Variants in GLS observed in about 807,000 individuals in gnomAD.
GLS encodes the protein glutaminase kidney isoform, mitochondrial.
GLS carries 36 observed loss-of-function variants against 86.7 expected under a neutral mutation model. The observed-to-expected ratio is 0.42, with a 90% CI of 0.32 to 0.55. The LOEUF (loss-of-function observed/expected upper bound fraction) is 0.55. GLS is among the 20% of genes least tolerant of loss of function. The pLI is 0.17. For synonymous variants in GLS, 317 were observed against 305.9 expected (o/e 1.04, Z -0.38); for missense variants, 528 against 833.4 (o/e 0.63, Z 4.51).
At chr2:190,940,656 A>G (rs1196635518) in intron 14 of GLS, among the ~76,000 whole-genome samples, 2 of 152,070 alleles carry the variant, frequency 1.3e-5, no homozygotes, top group Non-Finnish European at 2.9e-5. Flanking sequence ...TGTGACCTTA[A>G]GAAAGTGGCT....
intron 3 of GLS, among the ~76,000 whole-genome samples, chr2:190,900,254 A>G (rs546861637): frequency 2.0e-5 from 3 of 152,156 alleles, no homozygotes; most frequent in South Asian, 2.1e-4. Flanking sequence ...AATGTTACCA[A>G]CTCTGATTGA....
intron 9 of GLS, among the ~76,000 whole-genome samples, chr2:190,923,172 T>G (rs1003088295): frequency 6.6e-6 from 1 of 152,230 alleles, no homozygotes; most frequent in African/African-American, 2.4e-5. Context: ...CAAACTGATG[T>G]CAGAGTTATC....
intron 7 of GLS, among the ~76,000 whole-genome samples, chr2:190,919,150 A>G (rs935401734): frequency 3.9e-5 from 6 of 152,164 alleles, no homozygotes; most frequent in African/African-American, 9.7e-5. Flanking sequence ...GTGAAACACA[A>G]TGAAGTGAAG....
intron 14 of GLS, among the ~76,000 whole-genome samples, chr2:190,939,135 T>A (rs894250687): frequency 1.3e-5 from 2 of 151,688 alleles, no homozygotes; most frequent in African/African-American, 2.4e-5. Flanking sequence ...GCTACTTCCC[T>A]TGTTTATTTT....
chr2:190,895,125 A>T lies in GLS; in HGVS notation c.387-27A>T, dbSNP rs1688685635. 3.2e-6 allele frequency: 3 copies of T among 931,218 alleles called. No individual in the cohort carries two copies. The highest frequency in any genetic ancestry group is 5.2e-6 in the Non-Finnish European group (3 of 574,944). The allele number at this position is 931,218 out of a possible 1,614,324, so 57.7% of individuals were successfully genotyped here. ...CCAGTAGAATGTTCATACAAGGATT[A>T]ATTTTGTGTTCTTTCTACCTCTTTA... On this transcript the variant is annotated intron_variant, in intron 1 of 17. Transcript: ENST00000320717. The surrounding 1 kb of genome is among the most constrained non-coding windows in gnomAD (Gnocchi z 4.2).
rs1355224887 is a variant in GLS at position 190,964,025 on chromosome 2, G to A, written c.*1039G>A. The A allele has an allele frequency of 6.6e-6, 1 of 152,008 alleles. No individual in the cohort carries two copies. Among genetic ancestry groups the A allele is most frequent in the African/African-American group, 2.4e-5 (1 of 41,386 alleles). 9.4% of individuals were successfully genotyped at this position (152,008 alleles called of 1,614,324 possible). A position where few individuals can be genotyped will look rare whatever the true frequency, so the allele number is the denominator to read the frequency against. On this transcript the variant is annotated 3_prime_UTR_variant, in exon 18 of 18. Coordinates refer to ENST00000320717, the MANE Select transcript of GLS (RefSeq NM_014905.5). The surrounding 1 kb of genome is among the most constrained non-coding windows in gnomAD (Gnocchi z 5.2). ...CATTTGTTTCCAAGCCTGTCATTAA[G>A]AGTCTGCATCAAGAGATTTGTCCTC...
At chr2:190,915,091 C>T (rs1023288057) in intron 7 of GLS, among the ~76,000 whole-genome samples, 3 of 151,368 alleles carry the variant, frequency 2.0e-5, no homozygotes, top group Non-Finnish European at 4.4e-5. Context: ...CCCAGGTTCA[C>T]GCCATTCTCC....
At chr2:190,941,416 T>C (rs113864025) in intron 14 of GLS, among the ~76,000 whole-genome samples, 4 of 152,162 alleles carry the variant, frequency 2.6e-5, no homozygotes, top group African/African-American at 9.7e-5. Context: ...AACACCAATC[T>C]TTAGATAAAG....
rs1157687629 is a variant in GLS at position 190,933,969 on chromosome 2, A to G, written c.1650+2332A>G. 1.2e-5 allele frequency: 11 copies of G among 930,022 alleles called. No individual in the cohort carries two copies. The South Asian group carries it at 2.5e-4, about 21-fold the overall frequency. The allele number at this position is 930,022 out of a possible 1,614,324, so 57.6% of individuals were successfully genotyped here. ...ATCAAAACTTGTTTTTAAGAGAACT[A>G]TAGATTCTACACAACCTGATTTCAA... On this transcript the variant is annotated intron_variant, in intron 14 of 17. Transcript: ENST00000320717.
chr2:190,885,195 GA>G, intron 1 of GLS, among the ~76,000 whole-genome samples: 1 of 149,058 alleles, frequency 6.7e-6, no homozygotes, highest in Non-Finnish European at 1.5e-5. Flanking sequence ...TCTGAAAATT[GA>G]ATTTTTTTTT....
In GLS at chr2:190,935,056, C is replaced by T; in HGVS notation, c.1650+3419C>T. On this transcript the variant is annotated intron_variant, in intron 14 of 17. Coordinates refer to ENST00000320717, the MANE Select transcript of GLS (RefSeq NM_014905.5). The surrounding 1 kb of genome is among the most constrained non-coding windows in gnomAD (Gnocchi z 4.2). ...TGATATTCAAGCATTTACAATGTAG[C>T]ATATTTGATTTTCTTTTTTCTTTCT... The T allele has an allele frequency of 1.1e-6, 1 of 926,796 alleles. No homozygotes were observed. The highest frequency in any genetic ancestry group is 1.3e-6 in the Non-Finnish European group (1 of 776,766). 57.4% of individuals were successfully genotyped at this position (926,796 alleles called of 1,614,324 possible). A position where few individuals can be genotyped will look rare whatever the true frequency, so the allele number is the denominator to read the frequency against.
chr2:190,942,166 G>A (rs576763001), intron 14 of GLS, among the ~76,000 whole-genome samples: 6 of 129,156 alleles, frequency 4.6e-5, no homozygotes, highest in Admixed American at 9.8e-5. Flanking sequence ...TGCAAGCTCC[G>A]CCTCCCGGGT....
At chr2:190,883,925 A>T (rs1306693255) in intron 1 of GLS, among the ~76,000 whole-genome samples, 1 of 152,124 alleles carries the variant, frequency 6.6e-6, no homozygotes, top group East Asian at 1.9e-4. Flanking sequence ...TTTTTTTCAC[A>T]AACTCTTTGA....
At position 190,921,517 on chromosome 2, in the gene GLS, A is replaced by G. The variant is rs956863643; in HGVS notation, c.1130+314A>G. Among the ~76,000 whole-genome samples the G allele has an allele frequency of 3.9e-5, 6 of 152,040 alleles. No individual in the cohort carries two copies. Among genetic ancestry groups the G allele is most frequent in the South Asian group, 2.1e-4 (1 of 4,828 alleles). ...TTTTTATTTTAAAATTTGTGAGTCT[A>G]TAGAAAAGTTGAAAAAATAAATATC... On this transcript the variant is annotated intron_variant, in intron 9 of 17. Coordinates refer to ENST00000320717, the MANE Select transcript of GLS (RefSeq NM_014905.5). This position sits in a 1 kb window ranked among gnomAD's most constrained non-coding sequence, Gnocchi z 4.2.
At chr2:190,885,535 C>T (rs762356955) in intron 1 of GLS, among the ~76,000 whole-genome samples, 6 of 151,862 alleles carry the variant, frequency 4.0e-5, no homozygotes, top group Non-Finnish European at 7.4e-5. Context: ...TGAATTTCAG[C>T]GAACATTGAA....
Position 190,880,970 on chromosome 2 carries a change from C to A in GLS, c.-115C>A. 1 of 1,223,924 alleles carries A rather than the reference C, an allele frequency of 8.2e-7. No homozygotes were observed. The highest frequency in any genetic ancestry group is 1.1e-6 in the Non-Finnish European group (1 of 873,356). 75.8% of individuals were successfully genotyped at this position (1,223,924 alleles called of 1,614,324 possible). ...GCCGGAACCACACCCAAGTAGCTGC[C>A]CTTTCCTCTTCTGTCATCTCACCGC... On this transcript the variant is annotated 5_prime_UTR_variant, in exon 1 of 18. Coordinates refer to ENST00000320717, the MANE Select transcript of GLS (RefSeq NM_014905.5).
intron 5 of GLS, among the ~76,000 whole-genome samples, chr2:190,903,353 T>C (rs1689018194): frequency 1.3e-5 from 2 of 152,244 alleles, no homozygotes; most frequent in Non-Finnish European, 2.9e-5. Context: ...TCTTAACTTC[T>C]AGTCTATTTT....
rs1292081229 is a variant in GLS, at chr2:190,895,114, A to G, written c.387-38A>G. On this transcript the variant is annotated intron_variant, in intron 1 of 17. Transcript: ENST00000320717. This position sits in a 1 kb window ranked among gnomAD's most constrained non-coding sequence, Gnocchi z 4.2. ...TAGTTAAAAATCCAGTAGAATGTTCATACAAGGATTAATTTTGTGTTCTTT... is the reference window on the plus strand; with the variant it reads ...TAGTTAAAAATCCAGTAGAATGTTCGTACAAGGATTAATTTTGTGTTCTTT... The G allele has an allele frequency of 1.2e-6, 1 of 857,868 alleles. No individual in the cohort carries two copies. The highest frequency in any genetic ancestry group is 2.0e-6 in the Non-Finnish European group (1 of 507,770). 53.1% of individuals were successfully genotyped at this position (857,868 alleles called of 1,614,324 possible). A position where few individuals can be genotyped will look rare whatever the true frequency, so the allele number is the denominator to read the frequency against.
Position 190,914,751 on chromosome 2 carries a change from G to T in GLS, c.1038+4430G>T, listed in dbSNP as rs1318454873. Among the ~76,000 whole-genome samples the T allele has an allele frequency of 2.0e-5, 3 of 151,986 alleles. No homozygotes were observed. The highest frequency in any genetic ancestry group is 2.4e-5 in the African/African-American group (1 of 41,382). On this transcript the variant is annotated intron_variant, in intron 7 of 17. Coordinates refer to ENST00000320717, the MANE Select transcript of GLS (RefSeq NM_014905.5). This position sits in a 1 kb window ranked among gnomAD's most constrained non-coding sequence, Gnocchi z 4.4. ...GCGATACTTACAAAATAACTCTGAT[G>T]CATTGATTTTAAATGAGCCATTTTA...
Sources: gnomAD v4.1 joint callset for allele counts (sites outside exome capture counted in the v4.1 genomes callset) on GRCh38, gnomAD v4.1.1 for gene constraint, Gnocchi (gnomAD v3.1) non-coding constraint, MANE v1.5 for transcripts, NCBI Gene and HGNC (gene_info 2026-07-23, HGNC 2026-07-21) for gene names.